Variants in IGSF22 observed in about 807,000 individuals in gnomAD.
IGSF22 encodes immunoglobulin superfamily, member 22.
Under a neutral mutation model 127.0 loss-of-function variants are expected in IGSF22, and 119 were observed. The ratio of observed to expected loss-of-function variants is 0.94; its 90% CI spans 0.81 to 1.09. The LOEUF is 1.09. Ranked by LOEUF, IGSF22 falls within the 50% of genes least tolerant of loss-of-function variation. The pLI is 0.00. For missense variants in IGSF22, 1,518 were observed against 1,716.6 expected, an observed-to-expected ratio of 0.88 and a Z score of 2.04; for synonymous variants, 568 against 664.7, an observed-to-expected ratio of 0.85 and a Z score of 2.24.
At position 18,719,713 on chromosome 11, in the gene IGSF22, T is replaced by C. The variant is rs61886896; in HGVS notation, c.696+3A>G. The C allele has an allele frequency of 0.061, 99,002 of 1,613,736 alleles. 3,459 individuals are homozygous for C. Among genetic ancestry groups the C allele is most frequent in the African/African-American group, 0.13 (9,888 of 74,976 alleles). ...AGGCCCCTGCTCCCTGCAGGGTACTTACCTCCACCTCTACTTTCTTCTTCA... is the reference window on the plus strand; with the variant it reads ...AGGCCCCTGCTCCCTGCAGGGTACTCACCTCCACCTCTACTTTCTTCTTCA... On this transcript the variant is annotated splice_donor_region_variant and intron_variant, in intron 7 of 22. Coordinates refer to ENST00000513874, the MANE Select transcript of IGSF22 (RefSeq NM_173588.4).
rs770995066 is a variant in IGSF22 at position 18,710,386 on chromosome 11, T to G, written c.2642A>C (p.Lys881Thr). ...CACACTGGGCTGTCCAGGGCCTGCC[T>G]TATTTACAGCTATAACTCGGAATTC... ...EYEFRVIAVN[K>T]AGPGQPSVPS... The change falls in exon 17 of 23, where the codon AAG becomes ACG. Residue 881 changes from lysine (K) to threonine (T), a missense_variant. Coordinates refer to ENST00000513874, the MANE Select transcript of IGSF22 (RefSeq NM_173588.4). 1.9e-6 allele frequency: 3 copies of G among 1,614,132 alleles called. No individual in the cohort carries two copies.
Position 18,707,996 on chromosome 11 carries a change from C to G in IGSF22, c.3088G>C (p.Gly1030Arg). The G allele has an allele frequency of 6.2e-7, 1 of 1,613,970 alleles. No homozygotes were observed. Among genetic ancestry groups the G allele is most frequent in the Non-Finnish European group, 8.5e-7 (1 of 1,179,902 alleles). ...TALCIHAAFS[G>R]SPPPDVIWQK... is the part of the protein sequence containing the mutation. ...CAGATCACGTCAGGTGGTGGTGAGC[C>G]CTGAGTAGTGACAGGAGATGGCACA... is the stretch of plus-strand genomic sequence containing the variant. Residue 1030 changes from glycine (G) to arginine (R), a missense_variant and splice_region_variant, in exon 20 of 23, where the codon GGC becomes CGC. This residue lies in a region of IGSF22 where 1,456 missense variants were observed against 1,644.9 expected (regional missense o/e 0.89). Transcript: ENST00000513874.
rs775469914 is a variant in IGSF22, at chr11:18,721,684, C to A, written c.242-13G>T. ...ACGGCTTTGTCCCCTGCGATGAGCACAGGACGCGTTTTCGCCTCTTAGCCA... is the reference window on the plus strand; with the variant it reads ...ACGGCTTTGTCCCCTGCGATGAGCAAAGGACGCGTTTTCGCCTCTTAGCCA... On this transcript the variant is annotated splice_polypyrimidine_tract_variant and intron_variant, in intron 3 of 22. Transcript: ENST00000513874. 1 of 1,613,952 alleles carries A rather than the reference C, an allele frequency of 6.2e-7. No individual in the cohort carries two copies.
Position 18,707,294 on chromosome 11 carries a change from A to T in IGSF22, c.3281-81T>A, listed in dbSNP as rs1385050657. 45 of 1,279,212 alleles carry T rather than the reference A, an allele frequency of 3.5e-5. No homozygotes were observed. The Admixed American group carries it at 1.3e-3, about 38-fold the overall frequency. 79.2% of individuals were successfully genotyped at this position (1,279,212 alleles called of 1,614,324 possible). On this transcript the variant is annotated intron_variant, in intron 20 of 22. Transcript: ENST00000513874. ...CCACCCCAGCCATCTGCCAAGTCCGATGGAAGATAAGATGGGGCAAGTCTC... is the reference window on the plus strand; with the variant it reads ...CCACCCCAGCCATCTGCCAAGTCCGTTGGAAGATAAGATGGGGCAAGTCTC...
At chr11:18,714,824 G>A (rs939132646) in intron 11 of IGSF22, among the ~76,000 whole-genome samples, 200 bp from the exon 12 acceptor site, 2 of 151,948 alleles carry the variant, frequency 1.3e-5, no homozygotes, top group Non-Finnish European at 2.9e-5. Flanking sequence ...AGCAACACAT[G>A]GGAGGGGGAT....
At chr11:18,725,519 C>T (rs947736670) in intron 1 of IGSF22, among the ~76,000 whole-genome samples, 3 of 152,172 alleles carry the variant, frequency 2.0e-5, no homozygotes, top group Admixed American at 6.5e-5. Context: ...TGGCCCACGA[C>T]AACCTCTGCC....
At position 18,709,321 on chromosome 11, in the gene IGSF22, C is replaced by G; in HGVS notation, c.2998+66G>C. The G allele has an allele frequency of 1.3e-6, 2 of 1,489,104 alleles. No individual in the cohort carries two copies. Among genetic ancestry groups the G allele is most frequent in the Non-Finnish European group, 1.8e-6 (2 of 1,085,828 alleles). 92.2% of individuals were successfully genotyped at this position (1,489,104 alleles called of 1,614,324 possible). A position where few individuals can be genotyped will look rare whatever the true frequency, so the allele number is the denominator to read the frequency against. ...CATCCAATTTTCCTGTGGGATGAGG[C>G]CCCAGAGGAGAAGGTTTGGAGGTAC... On this transcript the variant is annotated intron_variant, in intron 18 of 22. Coordinates refer to ENST00000513874, the MANE Select transcript of IGSF22 (RefSeq NM_173588.4). This position sits in a 1 kb window ranked among gnomAD's most constrained non-coding sequence, Gnocchi z 4.8.
intron 1 of IGSF22, among the ~76,000 whole-genome samples, 195 bp downstream of exon 1, chr11:18,725,879 C>T (rs374383023): frequency 1.2e-4 from 18 of 152,242 alleles, no homozygotes; most frequent in African/African-American, 4.3e-4. Context: ...CCAAAGCCTT[C>T]TTTAACCCAG....
chr11:18,708,046 G>T, intron 19 of IGSF22, 50 bp from the exon 20 acceptor site: 1 of 1,602,332 alleles, frequency 6.2e-7, no homozygotes. Flanking sequence ...TGATATTTGG[G>T]GGCAGGCCTT....
Position 18,715,691 on chromosome 11 carries a change from G to C in IGSF22, c.1272C>G (p.Asn424Lys), listed in dbSNP as rs750755164. ...TCTCTTTCACACGTACATTTTTGAG[G>C]TTGCTCACAAACTTGATGGGGATGC... ...VDRIPIKFVS[N>K]LKNVRVKERS... is the part of the protein sequence containing the mutation. Residue 424 changes from asparagine to lysine, a missense_variant, in exon 11 of 23, where the codon AAC (asparagine) becomes AAG (lysine). Transcript: ENST00000513874. 1.6e-5 allele frequency: 26 copies of C among 1,612,022 alleles called. No homozygotes were observed. In the East Asian group the frequency reaches 5.8e-4, roughly 36 times the overall value.
In IGSF22 at chr11:18,715,431, C is replaced by A; in HGVS notation, c.1531+1G>T. ...GTGGGGATTGATAGGGCGGGTGTTA[C>A]CCTCCACAGTGACGATGGCAGTACT... On this transcript the variant is annotated splice_donor_variant, in intron 11 of 22. Coordinates refer to ENST00000513874, the MANE Select transcript of IGSF22 (RefSeq NM_173588.4). LOFTEE classifies it high-confidence loss of function. 1 of 1,606,502 alleles carries A rather than the reference C, an allele frequency of 6.2e-7. No individual in the cohort carries two copies. Among genetic ancestry groups the A allele is most frequent in the Non-Finnish European group, 8.5e-7 (1 of 1,177,056 alleles).
intron 2 of IGSF22, 26 bp from the exon 3 acceptor site, chr11:18,722,067 A>C: frequency 6.2e-7 from 1 of 1,612,868 alleles, no homozygotes; most frequent in Non-Finnish European, 8.5e-7. Flanking sequence ...AGAGGTCAGA[A>C]TGGGCTCCAG....
chr11:18,711,921 C>T (rs7949160), intron 15 of IGSF22, among the ~76,000 whole-genome samples, 161 bp downstream of exon 15: 109,090 of 152,004 alleles, frequency 0.72, 39,431 homozygotes, highest in East Asian at 0.81. Context: ...ACAATTCCTG[C>T]CCAAAATGAT....
chr11:18,710,913 C>CT, intron 15 of IGSF22, 85 bp from the exon 16 acceptor site: 2 of 1,138,068 alleles, frequency 1.8e-6, no homozygotes, highest in Non-Finnish European at 2.6e-6. Context: ...GCCTCGCCTG[C>CT]TTAAATAAAC....
rs773461197 is a variant in IGSF22 at position 18,721,558 on chromosome 11, T to G, written c.355A>C (p.Ile119Leu). 6.2e-7 allele frequency: 1 copy of G among 1,614,246 alleles called. No homozygotes were observed. Among genetic ancestry groups the G allele is most frequent in the Non-Finnish European group, 8.5e-7 (1 of 1,180,040 alleles). ...KESAKIFYDSINKEHVLKLEP... is the reference protein window; with the variant it reads ...KESAKIFYDSLNKEHVLKLEP... ...ACCTTCAGCACGTGTTCCTTGTTAA[T>G]GCTGTCGTAGAATATCTTGGCGGAC... The change falls in exon 4 of 23, where the codon ATT (isoleucine) becomes CTT (leucine). Residue 119 changes from isoleucine to leucine, a missense_variant. Ile to Leu is a conservative substitution (Grantham distance 5, BLOSUM62 2). Around this residue, in one of 3 missense-constraint regions of IGSF22, gnomAD observed 1,456 missense variants for 1,644.9 expected, o/e 0.89. Transcript: ENST00000513874.
intron 21 of IGSF22, chr11:18,706,421 CA>C (rs1848234655): frequency 3.9e-6 from 2 of 515,970 alleles, no homozygotes; most frequent in Non-Finnish European, 6.9e-6. Flanking sequence ...ATTCCAGCGC[CA>C]GCTTCCTGGA....
chr11:18,724,071 G>A, intron 2 of IGSF22, 57 bp downstream of exon 2: 3 of 1,410,330 alleles, frequency 2.1e-6, no homozygotes, highest in Non-Finnish European at 3.0e-6. Context: ...CAAGGGATGG[G>A]TGTGGAGGAA....
chr11:18,706,092 G>T lies in IGSF22; in HGVS notation c.3635C>A (p.Ala1212Glu), dbSNP rs912269887. Reference protein sequence around the residue: ...KPYEKKDWRHAPRFVTPLKPH... With the variant: ...KPYEKKDWRHEPRFVTPLKPH... ...CTTGAGGGGCGTCACGAAGCGCGGC[G>T]CGTGGCGCCAGTCCTTCTTCTCGTA... is the stretch of plus-strand genomic sequence containing the variant. The change falls in exon 22 of 23, where the codon GCG (alanine) becomes GAG (glutamate). Residue 1212 changes from alanine to glutamate, a missense_variant. Coordinates refer to ENST00000513874, the MANE Select transcript of IGSF22 (RefSeq NM_173588.4). The T allele has an allele frequency of 2.4e-5, 37 of 1,548,316 alleles. No individual in the cohort carries two copies. The highest frequency in any genetic ancestry group is 3.1e-5 in the Non-Finnish European group (36 of 1,146,856).
Position 18,718,103 on chromosome 11 carries a change from G to C in IGSF22, c.811-10C>G, listed in dbSNP as rs996884579. The C allele has an allele frequency of 4.3e-6, 7 of 1,611,904 alleles. No homozygotes were observed. In the African/African-American group the frequency reaches 5.3e-5, roughly 12 times the overall value. On this transcript the variant is annotated splice_polypyrimidine_tract_variant and intron_variant, in intron 8 of 22. Transcript: ENST00000513874. ...TCAGTGGCTCAGTACCCTGCCTCAT[G>C]GAACAGGTAGGAAAGCTGATGAAGG...
Sources: gnomAD v4.1 joint callset for allele counts (sites outside exome capture counted in the v4.1 genomes callset) on GRCh38, gnomAD v4.1.1 for gene constraint, gnomAD v4.1.1 regional missense constraint, Gnocchi (gnomAD v3.1) non-coding constraint, MANE v1.5 for transcripts, NCBI Gene and HGNC (gene_info 2026-07-23, HGNC 2026-07-21) for gene names.